The following KYAT3 variants were observed in gnomAD, a reference collection of about 807,000 sequenced individuals.
KYAT3 encodes the protein kynurenine aminotransferase 3.
KYAT3 carries 50 observed loss-of-function variants against 59.0 expected under a neutral mutation model. That is an observed-to-expected ratio of 0.85 (90% CI 0.68 to 1.07). The LOEUF (loss-of-function observed/expected upper bound fraction) is 1.07, where lower values mean the gene tolerates loss of function less well. Among genes scored for constraint, KYAT3 ranks in the 50% least tolerant of loss-of-function variants. The pLI is 0.00. For synonymous variants in KYAT3, 148 were observed against 177.0 expected (o/e 0.84, Z 1.30); for missense variants, 497 against 533.3 (o/e 0.93, Z 0.67).
At chr1:88,982,729 T>A in intron 2 of KYAT3, 1 of 1,613,956 alleles carries the variant, frequency 6.2e-7, no homozygotes, top group Admixed American at 1.7e-5. Context: ...CTCCGCGGCT[T>A]GAACTGCTGT....
intron 1 of KYAT3, 37 bp downstream of exon 1, chr1:88,992,548 G>C (rs1677875698): frequency 6.5e-6 from 1 of 152,674 alleles, no homozygotes; most frequent in South Asian, 2.1e-4. Flanking sequence ...AGTCCGCACG[G>C]AAGCGCCGCG....
intron 5 of KYAT3, among the ~76,000 whole-genome samples, chr1:88,962,497 C>T (rs1436604615): frequency 6.6e-6 from 1 of 152,178 alleles, no homozygotes; most frequent in Admixed American, 6.5e-5. Context: ...AGCATTTCTT[C>T]ATATTTCAAA....
At chr1:88,924,604 T>C in the KYAT3 span, among the ~76,000 whole-genome samples, 1 of 152,202 alleles carries the variant, frequency 6.6e-6, no homozygotes, top group African/African-American at 2.4e-5. Flanking sequence ...ACTGCACTGT[T>C]CTGGTCCGTG....
chr1:88,977,851 A>G (rs1052526676), intron 2 of KYAT3, among the ~76,000 whole-genome samples: 9 of 152,110 alleles, frequency 5.9e-5, no homozygotes, highest in African/African-American at 2.2e-4. Context: ...TTCTATGTTT[A>G]GATATGCAAA....
chr1:88,935,084 C>T (rs941246035), downstream of KYAT3, among the ~76,000 whole-genome samples: 14 of 146,694 alleles, frequency 9.5e-5, no homozygotes, highest in Non-Finnish European at 1.8e-4. Flanking sequence ...GCCTCTATCT[C>T]CCAGGTTCGA....
intron 2 of KYAT3, chr1:88,982,291 T>G (rs368039953): frequency 1.6e-5 from 11 of 684,206 alleles, no homozygotes; most frequent in South Asian, 4.2e-5. Flanking sequence ...TCTCTCCATT[T>G]TAGTTGGCTA....
At chr1:88,947,201 G>T (rs1282757377) in intron 11 of KYAT3, among the ~76,000 whole-genome samples, 1 of 152,166 alleles carries the variant, frequency 6.6e-6, no homozygotes, top group Non-Finnish European at 1.5e-5. Context: ...CTCAGTCACA[G>T]CCTGACACCA....
chr1:88,988,155 C>A, intron 2 of KYAT3, 97 bp downstream of exon 2: 2 of 750,844 alleles, frequency 2.7e-6, no homozygotes, highest in Non-Finnish European at 4.4e-6. Flanking sequence ...ATGTTCATTT[C>A]AATAAAGTAT....
chr1:88,969,438 T>C lies in KYAT3; in HGVS notation c.129A>G (p.Lys43=), dbSNP rs766301600. 1.1e-5 allele frequency: 17 copies of C among 1,579,726 alleles called. No individual in the cohort carries two copies. The highest frequency in any genetic ancestry group is 1.4e-5 in the Non-Finnish European group (16 of 1,150,418). ...AKMSLKFTNA[K]RIEGLDSNVW... ...CATTACTATCAAGTCCTTCAATCCG[T>C]TTTGCATTTGTGAATTTCAGTGACA... Residue 43 remains lysine, a synonymous_variant, in exon 3 of 14, where the codon AAA becomes AAG. Transcript: ENST00000260508.
At chr1:88,975,400 C>T in intron 2 of KYAT3, among the ~76,000 whole-genome samples, 1 of 152,180 alleles carries the variant, frequency 6.6e-6, no homozygotes, top group Non-Finnish European at 1.5e-5. Context: ...ATCTGCCCAC[C>T]TTGGCCTCCC....
chr1:88,963,045 A>T (rs774220267), intron 5 of KYAT3, among the ~76,000 whole-genome samples: 9 of 151,872 alleles, frequency 5.9e-5, no homozygotes, highest in Non-Finnish European at 1.3e-4. Flanking sequence ...GCTGGCAGTA[A>T]AGCTATAAAG....
the KYAT3 span, among the ~76,000 whole-genome samples, chr1:88,924,459 G>GA: frequency 4.9e-4 from 73 of 150,040 alleles, 1 homozygote; most frequent in African/African-American, 1.4e-3. Context: ...TCTTATATCT[G>GA]AAAAAAAAAA....
chr1:88,956,038 C>A (rs1238586872), intron 8 of KYAT3, among the ~76,000 whole-genome samples: 1 of 152,128 alleles, frequency 6.6e-6, no homozygotes, highest in South Asian at 2.1e-4. Context: ...TACCTTTTAG[C>A]TATCACTCTT....
chr1:88,967,058 ATCTT>A (rs1676377021), intron 4 of KYAT3, among the ~76,000 whole-genome samples: 1 of 152,040 alleles, frequency 6.6e-6, no homozygotes, highest in South Asian at 2.1e-4. Flanking sequence ...TACTTTTTAT[ATCTT>A]TATACACACA....
intron 2 of KYAT3, among the ~76,000 whole-genome samples, chr1:88,977,573 A>C (rs760135591): frequency 1.3e-5 from 2 of 152,204 alleles, no homozygotes; most frequent in Non-Finnish European, 2.9e-5. Context: ...TCCTGACCTC[A>C]GGTGATCCAC....
At chr1:88,960,836 A>G (rs1676110377) in intron 8 of KYAT3, among the ~76,000 whole-genome samples, 1 of 152,220 alleles carries the variant, frequency 6.6e-6, no homozygotes, top group Non-Finnish European at 1.5e-5. Context: ...TAGACCGTCT[A>G]GAACCTTTTC....
chr1:88,972,694 G>C (rs1234567731), intron 2 of KYAT3, among the ~76,000 whole-genome samples: 1 of 152,208 alleles, frequency 6.6e-6, no homozygotes, highest in African/African-American at 2.4e-5. Flanking sequence ...AACACTGCCT[G>C]TTTCATGGCA....
the KYAT3 span, among the ~76,000 whole-genome samples, chr1:88,924,722 C>A: frequency 1.3e-5 from 2 of 152,218 alleles, no homozygotes; most frequent in Admixed American, 6.5e-5. Context: ...AAGGTGTCTG[C>A]TGTGCTCCTG....
At position 88,983,480 on chromosome 1, in the gene KYAT3, C is replaced by A. The variant is rs1203147983; in HGVS notation, c.99+4772G>T. Reference sequence around the variant, plus strand: ...TGAAGGAGGTCCCCTGGTTCCTCCACTTCCTCCTCTTCCAGCTCCAAAACC... The same window carrying A: ...TGAAGGAGGTCCCCTGGTTCCTCCAATTCCTCCTCTTCCAGCTCCAAAACC... On this transcript the variant is annotated intron_variant, in intron 2 of 13. Coordinates refer to ENST00000260508, the MANE Select transcript of KYAT3 (RefSeq NM_001008661.3). 3.1e-6 allele frequency: 5 copies of A among 1,614,154 alleles called. No homozygotes were observed. In the South Asian group the frequency reaches 4.4e-5, roughly 14 times the overall value.
Sources: gnomAD v4.1 joint callset for allele counts (sites outside exome capture counted in the v4.1 genomes callset) on GRCh38, gnomAD v4.1.1 for gene constraint, MANE v1.5 for transcripts, NCBI Gene and HGNC (gene_info 2026-07-23, HGNC 2026-07-21) for gene names.